Variants in EML6 observed in about 807,000 individuals in gnomAD.
The protein encoded by EML6 is EMAP like 6.
Under a neutral mutation model 240.1 loss-of-function variants are expected in EML6, and 154 were observed. The observed-to-expected ratio is 0.64, with a 90% confidence interval of 0.56 to 0.73. EML6 has a LOEUF of 0.73. Ranked by LOEUF, EML6 falls within the 30% of genes least tolerant of loss-of-function variation. EML6 has a pLI of 0.00. For missense variants in EML6, 2,964 were observed against 2,474.6 expected, an observed-to-expected ratio of 1.20 and a Z score of -4.20; for synonymous variants, 1,148 against 899.0, an observed-to-expected ratio of 1.28 and a Z score of -4.95.
Position 54,948,892 on chromosome 2 carries a change from A to G in EML6, c.4015A>G (p.Ser1339Gly). The stretch of plus-strand genomic sequence containing the variant: ...CGCTCTCTCTTCCAGACCACCCGTT[A>G]GCCGAGCAGCTCCCCAGCCTGAGAA... ...EVSVEERPPV[S>G]RAAPQPEKLQ... Residue 1339 changes from serine (S) to glycine (G), a missense_variant, in exon 29 of 42, where the codon AGC becomes GGC. By Grantham distance (56) the Ser-to-Gly change is moderately conservative. Transcript: ENST00000356458. 3 of 1,551,396 alleles carry G rather than the reference A, an allele frequency of 1.9e-6. No homozygotes were observed. Among genetic ancestry groups the G allele is most frequent in the Non-Finnish European group, 2.6e-6 (3 of 1,146,878 alleles).
chr2:54,894,234 T>C (rs1047641004), intron 19 of EML6, among the ~76,000 whole-genome samples: 1 of 150,838 alleles, frequency 6.6e-6, no homozygotes, highest in Non-Finnish European at 1.5e-5. Context: ...GAACAGTTGG[T>C]ATATATAATA....
intron 2 of EML6, among the ~76,000 whole-genome samples, chr2:54,807,781 C>G (rs1341041261): frequency 6.6e-6 from 1 of 152,316 alleles, no homozygotes; most frequent in South Asian, 2.1e-4. Context: ...TAATACCTAA[C>G]AGTGGCTGTG....
At chr2:54,923,857 C>T (rs1270123035) in intron 26 of EML6, among the ~76,000 whole-genome samples, 1 of 152,110 alleles carries the variant, frequency 6.6e-6, no homozygotes, top group Non-Finnish European at 1.5e-5. Context: ...TAAATTTTAC[C>T]TGTTTAAGAA....
intron 2 of EML6, among the ~76,000 whole-genome samples, chr2:54,771,616 A>G (rs13011362): frequency 0.21 from 31,784 of 152,242 alleles, 3,703 homozygotes; most frequent in Middle Eastern, 0.32. Flanking sequence ...CTTCTATAAA[A>G]TGGTAGCTAT....
intron 26 of EML6, among the ~76,000 whole-genome samples, chr2:54,919,216 T>C (rs1330699638): frequency 6.6e-6 from 1 of 151,452 alleles, no homozygotes; most frequent in African/African-American, 2.4e-5. Flanking sequence ...GATTGAGAAG[T>C]GTTCCTAACT....
At chr2:54,848,466 G>T (rs1409432749) in intron 9 of EML6, among the ~76,000 whole-genome samples, 1 of 151,204 alleles carries the variant, frequency 6.6e-6, no homozygotes. Context: ...TTAGTGACGT[G>T]TGAAAAGATG....
At chr2:54,936,006 G>A (rs1675116328) in intron 28 of EML6, among the ~76,000 whole-genome samples, 2 of 152,320 alleles carry the variant, frequency 1.3e-5, no homozygotes, top group South Asian at 4.1e-4. Context: ...CTCCAGCCTG[G>A]CCAACAGAGC....
At position 54,968,781 on chromosome 2, in the gene EML6, C is replaced by T. The variant is rs1396337156; in HGVS notation, c.5852+13C>T. 2.1e-6 allele frequency: 3 copies of T among 1,430,876 alleles called. No individual in the cohort carries two copies. The highest frequency in any genetic ancestry group is 1.7e-4 in the Middle Eastern group (1 of 5,776). 88.6% of individuals were successfully genotyped at this position (1,430,876 alleles called of 1,614,324 possible). ...GAGACGACTGCAGGTACTAACGTAGCTGACCCAGTTCTTACTCCACAGGCC... is the reference window on the plus strand; with the variant it reads ...GAGACGACTGCAGGTACTAACGTAGTTGACCCAGTTCTTACTCCACAGGCC... On this transcript the variant is annotated intron_variant, in intron 41 of 41. Transcript: ENST00000356458.
At chr2:54,833,507 C>A (rs1668980836) in intron 7 of EML6, among the ~76,000 whole-genome samples, 1 of 152,196 alleles carries the variant, frequency 6.6e-6, no homozygotes. Context: ...ACTTGACTTA[C>A]AGTAAAAACA....
rs1451601472 is a variant in EML6 at position 54,853,791 on chromosome 2, A to G, written c.1593A>G (p.Ser531=). 21 of 1,551,516 alleles carry G rather than the reference A, an allele frequency of 1.4e-5. No individual in the cohort carries two copies. In the Admixed American group the frequency reaches 3.9e-4, roughly 29 times the overall value. Residue 531 remains serine (S), a synonymous_variant, in exon 11 of 42, where the codon TCA becomes TCG. Coordinates refer to ENST00000356458, the MANE Select transcript of EML6 (RefSeq NM_001039753.4). ...INSVDANYNS[S]VLVSGDDFGL... Reference sequence around the variant, plus strand: ...CAGTGGATGCGAATTACAACAGCTCAGTGCTGGTGTCTGGAGATGATTTTG... The same window carrying G: ...CAGTGGATGCGAATTACAACAGCTCGGTGCTGGTGTCTGGAGATGATTTTG...
intron 39 of EML6, 103 bp from the exon 40 acceptor site, chr2:54,968,025 G>A: frequency 1.7e-6 from 2 of 1,208,210 alleles, no homozygotes; most frequent in South Asian, 1.4e-5. Flanking sequence ...GACCCCTGAT[G>A]TTAAACATCC....
intron 33 of EML6, 77 bp from the exon 34 acceptor site, chr2:54,959,027 T>C: frequency 7.2e-7 from 1 of 1,384,152 alleles, no homozygotes; most frequent in Non-Finnish European, 9.8e-7. Context: ...CTCTGGTTCC[T>C]TAATGAGAGA....
chr2:54,816,054 C>G (rs868043168), intron 3 of EML6, among the ~76,000 whole-genome samples: 1 of 152,108 alleles, frequency 6.6e-6, no homozygotes, highest in African/African-American at 2.4e-5. Context: ...TACTTAAAAG[C>G]AAAAAGAAAA....
intron 2 of EML6, among the ~76,000 whole-genome samples, chr2:54,735,967 G>A (rs1177818228): frequency 6.6e-6 from 1 of 152,174 alleles, no homozygotes; most frequent in African/African-American, 2.4e-5. Flanking sequence ...GAGCGGTTTG[G>A]CAGGGAGGTG....
chr2:54,918,622 T>C (rs1253464810), intron 26 of EML6, among the ~76,000 whole-genome samples: 3 of 152,286 alleles, frequency 2.0e-5, no homozygotes, highest in South Asian at 4.2e-4. Context: ...ATTGGAATTA[T>C]AATCATGAGC....
In EML6 at chr2:54,783,103, C is replaced by A. The variant is rs576380177; in HGVS notation, c.198-30129C>A. ...TATGTATGCGTGCATATATTATAGT[C>A]GATCAGTAAATAATAACTAATAAAA... is the stretch of plus-strand genomic sequence containing the variant. On this transcript the variant is annotated intron_variant, in intron 2 of 41. Coordinates refer to ENST00000356458, the MANE Select transcript of EML6 (RefSeq NM_001039753.4). 7.2e-5 allele frequency among the ~76,000 whole-genome samples: 11 copies of A among 152,172 alleles called. No individual in the cohort carries two copies. In the South Asian group the frequency reaches 2.1e-3, roughly 29 times the overall value.
intron 28 of EML6, among the ~76,000 whole-genome samples, chr2:54,944,701 G>A (rs1390400988): frequency 6.6e-6 from 1 of 152,092 alleles, no homozygotes; most frequent in East Asian, 1.9e-4. Flanking sequence ...TTTCAAGAGG[G>A]TAGGCTTCTT....
At chr2:54,893,407 G>A (rs1672583191) in intron 19 of EML6, among the ~76,000 whole-genome samples, 1 of 152,046 alleles carries the variant, frequency 6.6e-6, no homozygotes, top group African/African-American at 2.4e-5. Flanking sequence ...AATAAGAGTG[G>A]GAGGGTCCGA....
chr2:54,759,043 G>A (rs868699), intron 2 of EML6, among the ~76,000 whole-genome samples: 4,098 of 151,828 alleles, frequency 0.027, 79 homozygotes, highest in African/African-American at 0.044. Context: ...CTCAGCACAC[G>A]ACCCAGTATT....
Sources: allele counts gnomAD v4.1 joint callset (sites outside exome capture counted in the v4.1 genomes callset), GRCh38; gene constraint gnomAD v4.1.1; transcripts MANE v1.5; gene names NCBI Gene and HGNC (gene_info 2026-07-23, HGNC 2026-07-21).